VWC2: variants seen among roughly 807,000 people sequenced by gnomAD.
VWC2 encodes the protein brorin.
In VWC2, 14 loss-of-function variants were observed where a neutral mutation model predicts 29.8. That is an observed-to-expected ratio of 0.47 (90% CI 0.31 to 0.74). The LOEUF is 0.74. VWC2 is among the 30% of genes least tolerant of loss of function. The probability of loss-of-function intolerance (pLI) is 0.05; values close to 1 mark genes in which losing one functional copy is unlikely to be tolerated. For synonymous variants in VWC2, 213 were observed against 199.0 expected (o/e 1.07, Z -0.59); for missense variants, 457 against 459.8 (o/e 0.99, Z 0.05).
intron 3 of VWC2, among the ~76,000 whole-genome samples, chr7:49,855,514 G>C (rs1195600490): frequency 6.6e-6 from 1 of 152,218 alleles, no homozygotes; most frequent in Non-Finnish European, 1.5e-5. Flanking sequence ...GTTGTGGAGA[G>C]AGGTAAGGAA....
intron 2 of VWC2, among the ~76,000 whole-genome samples, chr7:49,779,024 C>T (rs568785436): frequency 3.3e-5 from 5 of 149,570 alleles, no homozygotes; most frequent in Non-Finnish European, 7.4e-5. Context: ...AGTCTGTTCT[C>T]TGCTTCCAGA....
At chr7:49,834,725 T>C (rs1198309906) in intron 3 of VWC2, among the ~76,000 whole-genome samples, 1 of 152,048 alleles carries the variant, frequency 6.6e-6, no homozygotes, top group Non-Finnish European at 1.5e-5. Flanking sequence ...AATCCCAGAG[T>C]AATATCAGAC....
rs1789577561 is a variant in VWC2, at chr7:49,833,280, T to C, written c.826+30440T>C. Reference sequence around the variant, plus strand: ...GGTAAGTTGATAAGTCTATTAGAAGTCTGAGTAACTTCTTCAAGTAGAGAT... The same window carrying C: ...GGTAAGTTGATAAGTCTATTAGAAGCCTGAGTAACTTCTTCAAGTAGAGAT... On this transcript the variant is annotated intron_variant, in intron 3 of 3. Coordinates refer to ENST00000340652, the MANE Select transcript of VWC2 (RefSeq NM_198570.5). Among the ~76,000 whole-genome samples, 2 of 152,112 alleles carry C rather than the reference T, an allele frequency of 1.3e-5. 1 individual carries two copies. The highest frequency in any genetic ancestry group is 4.1e-4 in the South Asian group (2 of 4,830).
At chr7:49,837,269 T>C (rs1468574715) in intron 3 of VWC2, among the ~76,000 whole-genome samples, 1 of 152,350 alleles carries the variant, frequency 6.6e-6, no homozygotes, top group Non-Finnish European at 1.5e-5. Context: ...ATTTTGGATA[T>C]TGGCTTGAGG....
At chr7:49,789,354 T>A (rs1375887151) in intron 2 of VWC2, among the ~76,000 whole-genome samples, 1 of 148,872 alleles carries the variant, frequency 6.7e-6, no homozygotes, top group African/African-American at 2.5e-5. Context: ...TATATGTGGC[T>A]GTGTGTGTGT....
chr7:49,819,298 C>T (rs777517342), intron 3 of VWC2, among the ~76,000 whole-genome samples: 3 of 152,244 alleles, frequency 2.0e-5, no homozygotes, highest in Non-Finnish European at 4.4e-5. Context: ...TCCTGCTTCA[C>T]AAGGTCTCAG....
chr7:49,779,762 T>C (rs1043494403), intron 2 of VWC2, among the ~76,000 whole-genome samples: 5 of 152,236 alleles, frequency 3.3e-5, no homozygotes, highest in African/African-American at 4.8e-5. Flanking sequence ...TTCCAAGTAA[T>C]CTGGAAGTCC....
rs1392778931 is a variant in VWC2, at chr7:49,921,331, C to T, written c.*9146C>T. 6.6e-6 allele frequency: 1 copy of T among 152,140 alleles called. No individual in the cohort carries two copies. 9.4% of individuals were successfully genotyped at this position (152,140 alleles called of 1,614,324 possible). The stretch of plus-strand genomic sequence containing the variant: ...CCCTGGCCTGAGCCTTACTCCATAG[C>T]TATAGAGACATAGTCTCTAGAAACA... On this transcript the variant is annotated 3_prime_UTR_variant, in exon 4 of 4. Coordinates refer to ENST00000340652, the MANE Select transcript of VWC2 (RefSeq NM_198570.5).
intron 3 of VWC2, among the ~76,000 whole-genome samples, chr7:49,809,013 G>C (rs1052249313): frequency 2.0e-5 from 3 of 151,850 alleles, no homozygotes; most frequent in African/African-American, 4.8e-5. Flanking sequence ...GCATGCAGAA[G>C]GAACTCAAAA....
chr7:49,801,744 T>C lies in VWC2; in HGVS notation c.697-967T>C, dbSNP rs147678935. 2.8e-4 allele frequency among the ~76,000 whole-genome samples: 42 copies of C among 152,380 alleles called. No individual in the cohort carries two copies. In the East Asian group the frequency reaches 7.9e-3, roughly 29 times the overall value. Reference sequence around the variant, plus strand: ...CCCTCAGTGGAAGAGGACCTTGTGCTCACAGGACAGACATGCCCATGGCAT... The same window carrying C: ...CCCTCAGTGGAAGAGGACCTTGTGCCCACAGGACAGACATGCCCATGGCAT... On this transcript the variant is annotated intron_variant, in intron 2 of 3. Transcript: ENST00000340652.
At chr7:49,779,229 T>C (rs948004437) in intron 2 of VWC2, among the ~76,000 whole-genome samples, 8 of 152,296 alleles carry the variant, frequency 5.3e-5, no homozygotes, top group Non-Finnish European at 1.0e-4. Flanking sequence ...TTTGGGCATG[T>C]TTTGTTGCTG....
intron 3 of VWC2, among the ~76,000 whole-genome samples, chr7:49,832,829 G>A (rs1379059539): frequency 6.6e-6 from 1 of 152,186 alleles, no homozygotes; most frequent in African/African-American, 2.4e-5. Flanking sequence ...CTGTCCAGTT[G>A]TCATTTAGCT....
At chr7:49,845,864 A>C (rs994406281) in intron 3 of VWC2, among the ~76,000 whole-genome samples, 2 of 152,180 alleles carry the variant, frequency 1.3e-5, no homozygotes, top group Admixed American at 1.3e-4. Flanking sequence ...CGAGTGAGTT[A>C]GTGTGAGTGC....
chr7:49,830,519 C>CT (rs1680414551), intron 3 of VWC2, among the ~76,000 whole-genome samples: 1 of 152,084 alleles, frequency 6.6e-6, no homozygotes, highest in Non-Finnish European at 1.5e-5. Context: ...CAGGTTTTCT[C>CT]TTTTTTATTA....
chr7:49,787,658 C>T (rs989479930), intron 2 of VWC2, among the ~76,000 whole-genome samples: 13 of 152,176 alleles, frequency 8.5e-5, no homozygotes, highest in Admixed American at 2.6e-4. Flanking sequence ...GCTTTTGCTG[C>T]GTCACACACA....
intron 3 of VWC2, among the ~76,000 whole-genome samples, chr7:49,894,182 G>A (rs1265213688): frequency 6.8e-6 from 1 of 147,200 alleles, no homozygotes; most frequent in Non-Finnish European, 1.5e-5. Context: ...CTTTTGACAG[G>A]TTCTCACTCT....
intron 3 of VWC2, among the ~76,000 whole-genome samples, chr7:49,906,463 G>C (rs1438849488): frequency 6.6e-6 from 1 of 151,990 alleles, no homozygotes; most frequent in African/African-American, 2.4e-5. Context: ...AGCCTCCCAA[G>C]TAGCTGGGAC....
At position 49,920,483 on chromosome 7, in the gene VWC2, A is replaced by G. The variant is rs1473807733; in HGVS notation, c.*8298A>G. 6.6e-6 allele frequency: 1 copy of G among 152,210 alleles called. No homozygotes were observed. Among genetic ancestry groups the G allele is most frequent in the African/African-American group, 2.4e-5 (1 of 41,452 alleles). The allele number at this position is 152,210 out of a possible 1,614,324, so 9.4% of individuals were successfully genotyped here. Reference sequence around the variant, plus strand: ...AAACAAAACAAAACAAACAAAAGACAAGAGAAGCACTGCATTGTTGGCAAG... The same window carrying G: ...AAACAAAACAAAACAAACAAAAGACGAGAGAAGCACTGCATTGTTGGCAAG... On this transcript the variant is annotated 3_prime_UTR_variant, in exon 4 of 4. Coordinates refer to ENST00000340652, the MANE Select transcript of VWC2 (RefSeq NM_198570.5).
chr7:49,811,109 A>G (rs541927599), intron 3 of VWC2, among the ~76,000 whole-genome samples: 5 of 152,208 alleles, frequency 3.3e-5, no homozygotes, highest in African/African-American at 1.2e-4. Context: ...TTTGTAAATC[A>G]TGTGTCTGAT....
Sources: allele counts gnomAD v4.1 joint callset (sites outside exome capture counted in the v4.1 genomes callset), GRCh38; gene constraint gnomAD v4.1.1; transcripts MANE v1.5; gene names NCBI Gene and HGNC (gene_info 2026-07-23, HGNC 2026-07-21).